FHIT: variants seen among roughly 807,000 people sequenced by gnomAD.
FHIT encodes fragile histidine triad diadenosine triphosphatase, also known as bis(5'-adenosyl)-triphosphatase.
FHIT carries 19 observed loss-of-function variants against 17.9 expected under a neutral mutation model. The observed-to-expected ratio is 1.06, with a 90% confidence interval of 0.74 to 1.56. The LOEUF is 1.56. Among genes scored for constraint, FHIT ranks in the 40% most tolerant of loss-of-function variants. FHIT has a pLI of 0.00. For synonymous variants in FHIT, 81 were observed against 69.7 expected, an observed-to-expected ratio of 1.16 and a Z score of -0.81; for missense variants, 248 against 189.2, an observed-to-expected ratio of 1.31 and a Z score of -1.82.
chr3:60,385,378 T>C (rs958108414), intron 5 of FHIT, among the ~76,000 whole-genome samples: 1 of 152,212 alleles, frequency 6.6e-6, no homozygotes, highest in African/African-American at 2.4e-5. Context: ...TGTACAAATA[T>C]ACATCAGGTG....
At chr3:60,638,085 A>G (rs1314879634) in intron 4 of FHIT, among the ~76,000 whole-genome samples, 1 of 152,216 alleles carries the variant, frequency 6.6e-6, no homozygotes, top group Admixed American at 6.5e-5. Context: ...ACATTTCTTA[A>G]GAGTAAAAAT....
chr3:60,475,971 A>T (rs1349959902), intron 5 of FHIT, among the ~76,000 whole-genome samples: 1 of 152,196 alleles, frequency 6.6e-6, no homozygotes, highest in Non-Finnish European at 1.5e-5. Flanking sequence ...GAAATAACAC[A>T]CAGGGAACTT....
intron 4 of FHIT, among the ~76,000 whole-genome samples, chr3:60,794,906 T>A (rs797027564): frequency 2.6e-5 from 4 of 152,330 alleles, no homozygotes; most frequent in African/African-American, 9.6e-5. Flanking sequence ...ATGTACTGTG[T>A]ATCAAATTCA....
chr3:60,870,012 C>T (rs759489924), intron 3 of FHIT, among the ~76,000 whole-genome samples: 1 of 152,086 alleles, frequency 6.6e-6, no homozygotes, highest in Non-Finnish European at 1.5e-5. Flanking sequence ...TAAAGACTTG[C>T]AATAAATATT....
chr3:60,903,678 T>C (rs1553763806), intron 3 of FHIT, among the ~76,000 whole-genome samples: 1 of 152,236 alleles, frequency 6.6e-6, no homozygotes, highest in East Asian at 1.9e-4. Flanking sequence ...ATAAATGAAG[T>C]TGCACTATAT....
At chr3:60,485,728 A>G (rs1168486440) in intron 5 of FHIT, among the ~76,000 whole-genome samples, 1 of 152,136 alleles carries the variant, frequency 6.6e-6, no homozygotes, top group South Asian at 2.1e-4. Flanking sequence ...ACGTATACCT[A>G]TGTAACAAAC....
chr3:60,732,755 C>T (rs2042059142), intron 4 of FHIT: 1 of 270,828 alleles, frequency 3.7e-6, no homozygotes, highest in Non-Finnish European at 7.1e-6. Flanking sequence ...GGCACAATCT[C>T]GGCTCACTGC....
rs138991811 is a variant in FHIT, at chr3:60,325,229, G to A, written c.103+211631C>T. On this transcript the variant is annotated intron_variant, in intron 5 of 9. Transcript: ENST00000492590. The stretch of plus-strand genomic sequence containing the variant: ...TATTTTTATAATTATGTTTTATTGC[G>A]TTCTGTTAACTGGCCAGAGGGTTTT... 7.5e-4 allele frequency among the ~76,000 whole-genome samples: 114 copies of A among 152,138 alleles called. 5 individuals carry two copies. The East Asian group carries it at 8.3e-3, about 11-fold the overall frequency.
intron 5 of FHIT, among the ~76,000 whole-genome samples, chr3:60,024,048 A>G (rs1700649793): frequency 1.3e-5 from 2 of 152,072 alleles, no homozygotes; most frequent in Non-Finnish European, 2.9e-5. Context: ...AGCTAAAGGG[A>G]TAGAAAAATA....
intron 4 of FHIT, among the ~76,000 whole-genome samples, chr3:60,754,078 G>A (rs1230241279): frequency 6.6e-6 from 1 of 152,158 alleles, no homozygotes. Context: ...TCCTTATGGT[G>A]TAGTCTTCTG....
At chr3:60,854,551 T>G (rs1407456468) in intron 3 of FHIT, among the ~76,000 whole-genome samples, 1 of 76,488 alleles carries the variant, frequency 1.3e-5, no homozygotes, top group Non-Finnish European at 2.7e-5. Context: ...CCCAGCCTAC[T>G]TCTATTTTTT....
chr3:59,980,808 T>C (rs1240464430), intron 7 of FHIT, among the ~76,000 whole-genome samples: 2 of 152,146 alleles, frequency 1.3e-5, no homozygotes, highest in Non-Finnish European at 2.9e-5. Context: ...CTCAAGAATG[T>C]GAGAAAAAAA....
intron 8 of FHIT, among the ~76,000 whole-genome samples, chr3:59,912,279 T>G (rs1704916163): frequency 6.6e-6 from 1 of 152,140 alleles, no homozygotes; most frequent in Non-Finnish European, 1.5e-5. Flanking sequence ...CACCAATAGA[T>G]GAAACTAGCC....
intron 4 of FHIT, among the ~76,000 whole-genome samples, chr3:60,688,519 C>T (rs2040913075): frequency 1.3e-5 from 2 of 151,824 alleles, no homozygotes; most frequent in South Asian, 2.1e-4. Flanking sequence ...GCACCCTTCA[C>T]CTCCTGGGTT....
At chr3:60,855,883 T>C (rs1292726255) in intron 3 of FHIT, among the ~76,000 whole-genome samples, 2 of 152,084 alleles carry the variant, frequency 1.3e-5, no homozygotes, top group Admixed American at 6.6e-5. Context: ...GTGAATCCAA[T>C]TCAAAAGACG....
At chr3:60,483,867 A>G (rs111255063) in intron 5 of FHIT, among the ~76,000 whole-genome samples, 7,167 of 152,276 alleles carry the variant, frequency 0.047, 219 homozygotes, top group Middle Eastern at 0.11. Context: ...GTATTCGCAT[A>G]GGAAGAGAGG....
chr3:61,061,862 T>G lies in FHIT; in HGVS notation c.-163-19763A>C, dbSNP rs559814219. Among the ~76,000 whole-genome samples, 12 of 152,306 alleles carry G rather than the reference T, an allele frequency of 7.9e-5. No individual in the cohort carries two copies. In the South Asian group the frequency reaches 2.1e-3, roughly 26 times the overall value. ...TTTTTCCCATCCCTCTACCCTCATATCCACACAATTTCATTCCCTGAGGGA... is the reference window on the plus strand; with the variant it reads ...TTTTTCCCATCCCTCTACCCTCATAGCCACACAATTTCATTCCCTGAGGGA... On this transcript the variant is annotated intron_variant, in intron 2 of 9. Coordinates refer to ENST00000492590, the MANE Select transcript of FHIT (RefSeq NM_002012.4).
chr3:60,700,848 G>C (rs1342903126), intron 4 of FHIT, among the ~76,000 whole-genome samples: 4 of 151,950 alleles, frequency 2.6e-5, no homozygotes, highest in Non-Finnish European at 5.9e-5. Flanking sequence ...ATGTCTCTTG[G>C]TCACTTAAAT....
intron 5 of FHIT, among the ~76,000 whole-genome samples, chr3:60,450,900 A>C (rs2031694590): frequency 6.6e-6 from 1 of 152,162 alleles, no homozygotes; most frequent in Admixed American, 6.6e-5. Context: ...ATAGAGAATA[A>C]ATAGTAGACT....
Sources: gnomAD v4.1 joint callset for allele counts (sites outside exome capture counted in the v4.1 genomes callset) on GRCh38, gnomAD v4.1.1 for gene constraint, MANE v1.5 for transcripts, NCBI Gene and HGNC (gene_info 2026-07-23, HGNC 2026-07-21) for gene names.